The following OTC variants were observed in gnomAD, a reference collection of about 807,000 sequenced individuals.
OTC encodes ornithine transcarbamylase.
A neutral mutation model predicts 30.3 loss-of-function variants in OTC; 3 were observed. The ratio of observed to expected loss-of-function variants is 0.10; its 90% CI spans 0.05 to 0.26. The LOEUF is 0.26. Among genes scored for constraint, OTC ranks in the 10% least tolerant of loss-of-function variants. OTC has a pLI of 1.00. For missense variants in OTC, 194 were observed against 260.3 expected (o/e 0.75, Z 1.75); for synonymous variants, 111 against 99.7 (o/e 1.11, Z -0.67).
chrX:38,335,554 C>A, the OTC span, among the ~76,000 whole-genome samples: 1 of 112,429 alleles, frequency 8.9e-6, no homozygotes, highest in Non-Finnish European at 1.9e-5. Context: ...AGCTGTGTCT[C>A]TGACAGAAAA....
intron 4 of OTC, among the ~76,000 whole-genome samples, chrX:38,397,851 G>T (rs565933435): frequency 9.0e-6 from 1 of 111,086 alleles, no homozygotes; most frequent in Non-Finnish European, 1.9e-5. Flanking sequence ...GTTGATATGG[G>T]TCTCACTATC....
intron 9 of OTC, among the ~76,000 whole-genome samples, chrX:38,418,544 C>A (rs947581836): frequency 8.9e-6 from 1 of 112,117 alleles, no homozygotes; most frequent in Non-Finnish European, 1.9e-5. Context: ...TGAACAATTA[C>A]AAGACTCATG....
upstream of OTC, among the ~76,000 whole-genome samples, chrX:38,351,609 G>A (rs1398839993): frequency 1.8e-5 from 2 of 112,116 alleles, no homozygotes; most frequent in Non-Finnish European, 3.8e-5. Context: ...ATTTCTAACT[G>A]AGGATAAATG....
chrX:38,364,712 A>C (rs1395784372), intron 1 of OTC, among the ~76,000 whole-genome samples: 1 of 110,152 alleles, frequency 9.1e-6, no homozygotes, highest in Non-Finnish European at 1.9e-5. Context: ...GAATTGCTTC[A>C]ACCCAGGAGG....
chrX:38,389,403 A>T (rs1036819818), intron 4 of OTC, among the ~76,000 whole-genome samples: 4 of 8,692 alleles, frequency 4.6e-4, no homozygotes, highest in African/African-American at 2.5e-3. Flanking sequence ...GAATATTTAT[A>T]AAAAAAAAAG....
intron 6 of OTC, among the ~76,000 whole-genome samples, chrX:38,405,143 G>A (rs766329124): frequency 6.3e-5 from 7 of 111,021 alleles, no homozygotes; most frequent in East Asian, 5.7e-4. Flanking sequence ...GGGATCCCCC[G>A]GGGGCCTCTG....
the OTC span, among the ~76,000 whole-genome samples, chrX:38,338,621 A>G: frequency 8.9e-6 from 1 of 112,616 alleles, no homozygotes; most frequent in African/African-American, 3.2e-5. Flanking sequence ...AAGATCAACC[A>G]TGTTTATTTT....
intron 4 of OTC, among the ~76,000 whole-genome samples, chrX:38,400,440 A>G (rs759891036): frequency 8.1e-5 from 9 of 111,766 alleles, no homozygotes; most frequent in African/African-American, 2.9e-4. Flanking sequence ...AGAAGGAATT[A>G]GACTTGCAAG....
intron 4 of OTC, among the ~76,000 whole-genome samples, chrX:38,384,350 T>C (rs1244692053): frequency 4.5e-5 from 5 of 111,646 alleles, no homozygotes; most frequent in Admixed American, 9.5e-5. Context: ...GAGTAGCTAT[T>C]GTAGAAATCT....
At chrX:38,422,050 A>G (rs2068598573), downstream of OTC, among the ~76,000 whole-genome samples, 1 of 112,139 alleles carries the variant, frequency 8.9e-6, no homozygotes, top group South Asian at 3.6e-4. Flanking sequence ...TATAATTTGA[A>G]TTTTTTAGTT....
chrX:38,341,185 G>C, the OTC span, among the ~76,000 whole-genome samples: 12 of 111,677 alleles, frequency 1.1e-4, no homozygotes. Context: ...TGTTCATATT[G>C]TTTTGCTCCC....
At chrX:38,358,683 G>A (rs1446037369) in intron 1 of OTC, among the ~76,000 whole-genome samples, 2 of 101,566 alleles carry the variant, frequency 2.0e-5, no homozygotes, top group Non-Finnish European at 2.0e-5. Flanking sequence ...GTGCAACGGC[G>A]CGATCTCAGC....
the OTC span, among the ~76,000 whole-genome samples, chrX:38,340,473 G>GTTTTTTTTTTTTTTTTTTTTTTTTTTT: frequency 5.3e-5 from 3 of 56,127 alleles, no homozygotes; most frequent in Non-Finnish European, 1.0e-4. Context: ...TTTTTTTTTT[G>GTTTTTTTTTTTTTTTTTTTTTTTTTTT]TTTTTTTTTT....
rs140829686 is a variant in OTC at position 38,366,226 on chromosome X, A to C, written c.78-1065A>C. Reference sequence around the variant, plus strand: ...CCCATAGAGGAGGCCAGCTTTAATCAGGCATAAGCTGGAAGGGAAAAGGTG... The same window carrying C: ...CCCATAGAGGAGGCCAGCTTTAATCCGGCATAAGCTGGAAGGGAAAAGGTG... On this transcript the variant is annotated intron_variant, in intron 1 of 9. Transcript: ENST00000039007. Among the ~76,000 whole-genome samples, 700 of 112,079 alleles carry C rather than the reference A, an allele frequency of 6.2e-3. 6 individuals carry two copies. The highest frequency in any genetic ancestry group is 0.021 in the African/African-American group (663 of 30,885).
At chrX:38,399,617 C>A (rs752085596) in intron 4 of OTC, among the ~76,000 whole-genome samples, 1 of 110,185 alleles carries the variant, frequency 9.1e-6, no homozygotes, top group African/African-American at 3.3e-5. Context: ...GGTGTGGTGG[C>A]GAGCCTGTAA....
At chrX:38,370,913 A>G (rs1372137026) in intron 3 of OTC, among the ~76,000 whole-genome samples, 7 of 110,874 alleles carry the variant, frequency 6.3e-5, no homozygotes, top group Non-Finnish European at 1.3e-4. Context: ...GAGGTACTAC[A>G]AGGCTGCCTC....
intron 4 of OTC, among the ~76,000 whole-genome samples, chrX:38,400,679 C>T (rs2068481035): frequency 8.9e-6 from 1 of 112,195 alleles, no homozygotes; most frequent in Non-Finnish European, 1.9e-5. Context: ...AGGAATGGCC[C>T]AGCGCTATTC....
chrX:38,339,318 T>C, the OTC span, among the ~76,000 whole-genome samples: 1 of 111,208 alleles, frequency 9.0e-6, no homozygotes, highest in Non-Finnish European at 1.9e-5. Flanking sequence ...CTCACAAATC[T>C]AGTAAGGAAG....
the OTC span, among the ~76,000 whole-genome samples, chrX:38,331,280 G>A: frequency 4.6e-5 from 5 of 108,671 alleles, no homozygotes; most frequent in African/African-American, 1.3e-4. Flanking sequence ...TTGAGACAGA[G>A]TTTCCCTCTG....
Sources: gnomAD v4.1 joint callset for allele counts (sites outside exome capture counted in the v4.1 genomes callset) on GRCh38, gnomAD v4.1.1 for gene constraint, MANE v1.5 for transcripts, NCBI Gene and HGNC (gene_info 2026-07-23, HGNC 2026-07-21) for gene names.